The following ISM1 variants were observed in gnomAD, a reference collection of about 807,000 sequenced individuals.
The protein encoded by ISM1 is isthmin 1, also known as isthmin-1.
ISM1 carries 25 observed loss-of-function variants against 46.3 expected under a neutral mutation model. The observed-to-expected ratio is 0.54, with a 90% confidence interval of 0.39 to 0.75. The LOEUF (loss-of-function observed/expected upper bound fraction) is 0.75, where lower values mean the gene tolerates loss of function less well. ISM1 is among the 30% of genes least tolerant of loss of function. The pLI is 0.00. For synonymous variants in ISM1, 255 were observed against 256.7 expected, an observed-to-expected ratio of 0.99 and a Z score of 0.06; for missense variants, 536 against 625.4, an observed-to-expected ratio of 0.86 and a Z score of 1.52.
At chr20:13,318,136 A>AAAATAAAG in the ISM1 span, among the ~76,000 whole-genome samples, 3 of 145,038 alleles carry the variant, frequency 2.1e-5, no homozygotes, top group African/African-American at 7.6e-5. Flanking sequence ...GACACTTGAA[A>AAAATAAAG]AAATAAATAA....
chr20:13,310,629 A>G, the ISM1 span, among the ~76,000 whole-genome samples: 1 of 152,234 alleles, frequency 6.6e-6, no homozygotes, highest in South Asian at 2.1e-4. Flanking sequence ...CAGAGTAAAG[A>G]GAAAAATTAT....
Position 13,242,096 on chromosome 20 carries a change from T to C in ISM1, c.138+20182T>C, listed in dbSNP as rs530307493. On this transcript the variant is annotated intron_variant, in intron 1 of 5. Transcript: ENST00000262487. Reference sequence around the variant, plus strand: ...AAAAATGAGTTAAAAGAATGGAAAGTGTCTTTATGTAGAAGGTTTACTGAC... The same window carrying C: ...AAAAATGAGTTAAAAGAATGGAAAGCGTCTTTATGTAGAAGGTTTACTGAC... Among the ~76,000 whole-genome samples the C allele has an allele frequency of 4.6e-5, 7 of 152,250 alleles. No individual in the cohort carries two copies. The East Asian group carries it at 7.7e-4, about 17-fold the overall frequency.
chr20:13,250,366 C>T (rs777946759), intron 1 of ISM1, among the ~76,000 whole-genome samples: 3 of 152,168 alleles, frequency 2.0e-5, no homozygotes, highest in Admixed American at 6.5e-5. Flanking sequence ...ATTCAGCTTG[C>T]GGAGAATTTC....
the ISM1 span, among the ~76,000 whole-genome samples, chr20:13,312,517 G>A: frequency 3.9e-5 from 6 of 152,240 alleles, no homozygotes; most frequent in Non-Finnish European, 7.4e-5. Context: ...CACTAGACTC[G>A]GAACCATGTT....
chr20:13,301,515 C>T (rs1015938742), downstream of ISM1, among the ~76,000 whole-genome samples: 1 of 152,144 alleles, frequency 6.6e-6, no homozygotes, highest in Non-Finnish European at 1.5e-5. Context: ...GAATTATTTA[C>T]ACCTTAGAAG....
At chr20:13,247,629 A>G (rs1044222820) in intron 1 of ISM1, among the ~76,000 whole-genome samples, 1 of 151,882 alleles carries the variant, frequency 6.6e-6, no homozygotes, top group African/African-American at 2.4e-5. Context: ...AAAACCCACC[A>G]TCTAGGCCTC....
At chr20:13,264,991 G>A (rs1434779380) in intron 1 of ISM1, among the ~76,000 whole-genome samples, 3 of 152,190 alleles carry the variant, frequency 2.0e-5, no homozygotes, top group Non-Finnish European at 2.9e-5. Context: ...AAGTCACAGC[G>A]CAGTGTGATA....
intron 3 of ISM1, among the ~76,000 whole-genome samples, chr20:13,285,065 T>C (rs980839257): frequency 1.3e-5 from 2 of 152,178 alleles, no homozygotes; most frequent in Non-Finnish European, 2.9e-5. Flanking sequence ...GGCAGGAGGA[T>C]TGCCTGAAGC....
chr20:13,282,242 C>T lies in ISM1; in HGVS notation c.643+2344C>T, dbSNP rs75841005. Among the ~76,000 whole-genome samples, 10 of 152,194 alleles carry T rather than the reference C, an allele frequency of 6.6e-5. No individual in the cohort carries two copies. The East Asian group carries it at 1.5e-3, about 24-fold the overall frequency. On this transcript the variant is annotated intron_variant, in intron 3 of 5. Transcript: ENST00000262487. ...CAGGCATCGTTGTCTTTTAAAGCTC[C>T]GAGGATGACTTCATTGTTCAGCCCG...
chr20:13,293,071 G>A (rs2040370164), intron 5 of ISM1, among the ~76,000 whole-genome samples: 2 of 152,026 alleles, frequency 1.3e-5, no homozygotes, highest in South Asian at 4.2e-4. Flanking sequence ...ATGGTGGCAG[G>A]CGCCTGTAGT....
intron 1 of ISM1, among the ~76,000 whole-genome samples, chr20:13,226,176 CCTAA>C (rs35384335): frequency 0.22 from 34,110 of 151,998 alleles, 3,763 homozygotes; most frequent in South Asian, 0.27. Flanking sequence ...TTCTCTGTTT[CCTAA>C]CTATCATCTT....
chr20:13,311,235 TAGA>T, the ISM1 span, among the ~76,000 whole-genome samples: 1 of 110,046 alleles, frequency 9.1e-6, no homozygotes, highest in Non-Finnish European at 2.0e-5. Flanking sequence ...GATAGATAGA[TAGA>T]TAGATGATAG....
intron 1 of ISM1, among the ~76,000 whole-genome samples, chr20:13,228,139 AT>A (rs2123128568): frequency 1.3e-5 from 2 of 151,442 alleles, no homozygotes; most frequent in East Asian, 3.9e-4. Context: ...TGCCCGGCTA[AT>A]TTTTGTATTT....
chr20:13,275,914 T>G (rs1314279992), intron 2 of ISM1, among the ~76,000 whole-genome samples: 3 of 152,136 alleles, frequency 2.0e-5, no homozygotes, highest in African/African-American at 7.2e-5. Context: ...CCCTGAAAAT[T>G]GAGTCTAAGT....
At chr20:13,247,441 G>A (rs1451734471) in intron 1 of ISM1, among the ~76,000 whole-genome samples, 2 of 152,000 alleles carry the variant, frequency 1.3e-5, no homozygotes, top group Admixed American at 6.6e-5. Context: ...TACAGGTCAG[G>A]AGGGTTCCAA....
At chr20:13,303,402 T>A (rs2040474859), downstream of ISM1, among the ~76,000 whole-genome samples, 1 of 152,216 alleles carries the variant, frequency 6.6e-6, no homozygotes, top group Non-Finnish European at 1.5e-5. Context: ...GTTGGGTAAG[T>A]CACAAAGCTC....
intron 1 of ISM1, among the ~76,000 whole-genome samples, chr20:13,248,267 G>T (rs1212008457): frequency 1.3e-5 from 2 of 152,094 alleles, no homozygotes; most frequent in African/African-American, 4.8e-5. Flanking sequence ...AAGCAACAAG[G>T]GATCTGATAT....
intron 3 of ISM1, among the ~76,000 whole-genome samples, chr20:13,288,070 T>C (rs1453417505): frequency 1.3e-5 from 2 of 152,178 alleles, no homozygotes; most frequent in African/African-American, 4.8e-5. Flanking sequence ...ATGGACATCT[T>C]TCACAGTAAC....
the ISM1 span, among the ~76,000 whole-genome samples, chr20:13,318,922 C>T: frequency 6.6e-6 from 1 of 152,162 alleles, no homozygotes; most frequent in Non-Finnish European, 1.5e-5. Context: ...GACAGTGAAA[C>T]TATGCTATGT....
Sources: gnomAD v4.1 joint callset for allele counts (sites outside exome capture counted in the v4.1 genomes callset) on GRCh38, gnomAD v4.1.1 for gene constraint, MANE v1.5 for transcripts, NCBI Gene and HGNC (gene_info 2026-07-23, HGNC 2026-07-21) for gene names.